Variants in TUSC3 observed in about 807,000 individuals in gnomAD.
TUSC3 encodes the protein dolichyl-diphosphooligosaccharide--protein glycosyltransferase subunit TUSC3.
TUSC3 carries 45 observed loss-of-function variants against 44.8 expected under a neutral mutation model. The ratio of observed to expected loss-of-function variants is 1.00; its 90% confidence interval spans 0.79 to 1.29. The LOEUF is 1.29. TUSC3 is among the 50% of genes most tolerant of loss of function. The pLI is 0.00. For synonymous variants in TUSC3, 212 were observed against 152.9 expected, an observed-to-expected ratio of 1.39 and a Z score of -2.85; for missense variants, 519 against 437.9, an observed-to-expected ratio of 1.19 and a Z score of -1.65.
the TUSC3 span, among the ~76,000 whole-genome samples, chr8:15,842,763 T>C: frequency 0.48 from 72,413 of 152,008 alleles, 18,832 homozygotes; most frequent in Non-Finnish European, 0.6. Context: ...TCCTTTGGTA[T>C]TGACAATTCT....
intron 1 of TUSC3, among the ~76,000 whole-genome samples, chr8:15,469,362 A>G (rs1328714734): frequency 6.6e-6 from 1 of 152,228 alleles, no homozygotes; most frequent in Non-Finnish European, 1.5e-5. Context: ...GAATGGACAC[A>G]TCACCGAAGA....
At chr8:15,458,363 C>G (rs556648748) in intron 1 of TUSC3, among the ~76,000 whole-genome samples, 1 of 152,074 alleles carries the variant, frequency 6.6e-6, no homozygotes, top group Non-Finnish European at 1.5e-5. Flanking sequence ...CTCAGTCTCC[C>G]GAATAGCTGC....
chr8:15,848,618 G>T, the TUSC3 span, among the ~76,000 whole-genome samples: 2 of 152,142 alleles, frequency 1.3e-5, no homozygotes, highest in Admixed American at 1.3e-4. Context: ...TCTTGGCTCT[G>T]TGTGGGTGAT....
intron 2 of TUSC3, among the ~76,000 whole-genome samples, chr8:15,506,929 C>G (rs187445471): frequency 2.6e-5 from 4 of 152,306 alleles, no homozygotes; most frequent in Admixed American, 2.0e-4. Context: ...TCTTGGTCGG[C>G]TAGGCTTAGA....
At chr8:15,562,048 G>A (rs1802494235) in intron 1 of TUSC3, among the ~76,000 whole-genome samples, 1 of 152,090 alleles carries the variant, frequency 6.6e-6, no homozygotes, top group African/African-American at 2.4e-5. Flanking sequence ...CAATTTTTAA[G>A]TAGGCCTTCA....
chr8:15,467,132 TA>T (rs1048497329), intron 1 of TUSC3, among the ~76,000 whole-genome samples: 1 of 152,042 alleles, frequency 6.6e-6, no homozygotes, highest in Non-Finnish European at 1.5e-5. Context: ...TAAATGTTAT[TA>T]AAATTACTAA....
At chr8:15,743,161 C>A (rs926326545) in intron 7 of TUSC3, among the ~76,000 whole-genome samples, 1 of 152,066 alleles carries the variant, frequency 6.6e-6, no homozygotes, top group African/African-American at 2.4e-5. Context: ...TGTACACACA[C>A]GTTATGAAAA....
intron 1 of TUSC3, among the ~76,000 whole-genome samples, chr8:15,459,061 C>T (rs1388253524): frequency 6.6e-6 from 1 of 152,158 alleles, no homozygotes; most frequent in Non-Finnish European, 1.5e-5. Flanking sequence ...CTGAATTTGA[C>T]AGTCCTTTAG....
chr8:15,437,370 T>A (rs1305696493), intron 1 of TUSC3, among the ~76,000 whole-genome samples: 2 of 152,212 alleles, frequency 1.3e-5, no homozygotes, highest in Non-Finnish European at 2.9e-5. Flanking sequence ...CTTTTATTTT[T>A]CCTAATGTTT....
At chr8:15,787,356 C>T in the TUSC3 span, among the ~76,000 whole-genome samples, 1 of 152,110 alleles carries the variant, frequency 6.6e-6, no homozygotes, top group Admixed American at 6.5e-5. Context: ...TAAGACTAGG[C>T]ATGGAATATA....
intron 8 of TUSC3, among the ~76,000 whole-genome samples, chr8:15,747,243 GAA>G (rs1811454695): frequency 1.1e-4 from 16 of 151,918 alleles, no homozygotes; most frequent in Admixed American, 1.0e-3. Flanking sequence ...CCTTATTATA[GAA>G]TCATATAGAT....
chr8:15,426,977 G>A (rs898880320), intron 1 of TUSC3, among the ~76,000 whole-genome samples: 1 of 151,944 alleles, frequency 6.6e-6, no homozygotes, highest in African/African-American at 2.4e-5. Flanking sequence ...TGATGTTGAG[G>A]GTATTTTCAT....
intron 1 of TUSC3, among the ~76,000 whole-genome samples, chr8:15,584,964 G>T (rs900955422): frequency 6.6e-6 from 1 of 152,122 alleles, no homozygotes; most frequent in Non-Finnish European, 1.5e-5. Flanking sequence ...ATGATATACA[G>T]ATATATATTA....
At chr8:15,762,537 T>C (rs1456675153) in intron 10 of TUSC3, among the ~76,000 whole-genome samples, 1 of 152,148 alleles carries the variant, frequency 6.6e-6, no homozygotes, top group East Asian at 1.9e-4. Context: ...ATTAGTATTT[T>C]TGCTTTTACA....
chr8:15,506,298 T>C (rs1415694494), intron 2 of TUSC3, among the ~76,000 whole-genome samples: 2 of 152,146 alleles, frequency 1.3e-5, no homozygotes, highest in Non-Finnish European at 2.9e-5. Flanking sequence ...ACTAAATCCC[T>C]CTTTACCAAG....
intron 1 of TUSC3, among the ~76,000 whole-genome samples, chr8:15,617,239 A>G (rs1445056867): frequency 1.3e-5 from 2 of 150,052 alleles, no homozygotes; most frequent in Non-Finnish European, 3.0e-5. Flanking sequence ...TCCCAGGTTC[A>G]AGTGATTCTC....
chr8:15,761,022 CTT>C (rs2129224498), intron 10 of TUSC3, among the ~76,000 whole-genome samples: 1 of 152,294 alleles, frequency 6.6e-6, no homozygotes, highest in South Asian at 2.1e-4. Context: ...AGGGCCATGA[CTT>C]TCAGTCATTT....
the TUSC3 span, among the ~76,000 whole-genome samples, chr8:15,803,078 C>G: frequency 1.3e-5 from 2 of 152,266 alleles, no homozygotes; most frequent in South Asian, 2.1e-4. Context: ...GTTCACTCCT[C>G]TCTTCTAAAA....
chr8:15,490,290 A>G (rs1800789769), intron 2 of TUSC3, among the ~76,000 whole-genome samples: 1 of 152,158 alleles, frequency 6.6e-6, no homozygotes, highest in Admixed American at 6.5e-5. Flanking sequence ...TCACATCCAA[A>G]TGCAGGTGGA....
Sources: allele counts gnomAD v4.1 joint callset (sites outside exome capture counted in the v4.1 genomes callset), GRCh38; gene constraint gnomAD v4.1.1; transcripts MANE v1.5; gene names NCBI Gene and HGNC (gene_info 2026-07-23, HGNC 2026-07-21).